RIN2: variants seen among roughly 807,000 people sequenced by gnomAD.
RIN2 encodes the protein Ras and Rab interactor 2.
Under a neutral mutation model 78.0 loss-of-function variants are expected in RIN2, and 36 were observed. The observed-to-expected ratio is 0.46, with a 90% confidence interval of 0.35 to 0.61. RIN2 has a LOEUF of 0.61. Ranked by LOEUF, RIN2 falls within the 20% of genes least tolerant of loss-of-function variation. The probability of loss-of-function intolerance (pLI) is 0.00; values close to 1 mark genes in which losing one functional copy is unlikely to be tolerated. For missense variants in RIN2, 1,087 were observed against 1,159.7 expected (o/e 0.94, Z 0.91); for synonymous variants, 466 against 466.8 (o/e 1.00, Z 0.02).
intron 3 of RIN2, among the ~76,000 whole-genome samples, chr20:19,928,671 C>T (rs2040324904): frequency 1.3e-5 from 2 of 152,164 alleles, no homozygotes; most frequent in Non-Finnish European, 2.9e-5. Flanking sequence ...GCCAGGATGC[C>T]AGCTCTTATG....
At chr20:19,851,089 G>A (rs980222947) in intron 2 of RIN2, among the ~76,000 whole-genome samples, 2 of 151,858 alleles carry the variant, frequency 1.3e-5, no homozygotes, top group African/African-American at 4.8e-5. Context: ...AGGAAGGTAG[G>A]AAGGAAGGAA....
intron 4 of RIN2, among the ~76,000 whole-genome samples, chr20:19,954,814 G>C (rs2041469907): frequency 1.3e-5 from 2 of 152,038 alleles, no homozygotes; most frequent in Admixed American, 1.3e-4. Flanking sequence ...TAGTTCTGCT[G>C]TTTCAAGGCT....
In RIN2 at chr20:20,000,783, G is replaced by T. The variant is rs1285047022; in HGVS notation, c.2535G>T (p.Gln845His). The T allele has an allele frequency of 6.2e-7, 1 of 1,614,016 alleles. No individual in the cohort carries two copies. The highest frequency in any genetic ancestry group is 8.5e-7 in the Non-Finnish European group (1 of 1,179,896). Reference protein sequence around the residue: ...SLFLFVDETWQQLAEDTYPQK... With the variant: ...SLFLFVDETWHQLAEDTYPQK... ...TTCTCTTCGTTGACGAGACATGGCAGCAGCTGGCAGAGGACACTTACCCTC... is the reference window on the plus strand; with the variant it reads ...TTCTCTTCGTTGACGAGACATGGCATCAGCTGGCAGAGGACACTTACCCTC... Residue 845 changes from glutamine (Q) to histidine (H), a missense_variant, in exon 13 of 13, where the codon CAG (glutamine) becomes CAT (histidine). This residue lies in a region of RIN2 where 160 missense variants were observed against 179.4 expected (regional missense o/e 0.89). Coordinates refer to ENST00000255006, the MANE Select transcript of RIN2 (RefSeq NM_018993.4).
chr20:19,826,597 A>C (rs77581447), intron 2 of RIN2, among the ~76,000 whole-genome samples: 1,994 of 152,322 alleles, frequency 0.013, 35 homozygotes, highest in African/African-American at 0.045. Context: ...AAGGCAGTAC[A>C]TGAATGACTG....
At chr20:19,797,035 T>A (rs990872440) in intron 1 of RIN2, among the ~76,000 whole-genome samples, 19 of 152,134 alleles carry the variant, frequency 1.2e-4, no homozygotes, top group African/African-American at 4.1e-4. Context: ...AGTGGGAGAA[T>A]TCAAAGAAAG....
chr20:19,844,759 A>T, intron 2 of RIN2, among the ~76,000 whole-genome samples: 1 of 142,556 alleles, frequency 7.0e-6, no homozygotes, highest in South Asian at 2.2e-4. Flanking sequence ...TTATACTTTA[A>T]GTTCTGGGAT....
chr20:19,962,140 A>C (rs1466859608), intron 6 of RIN2, among the ~76,000 whole-genome samples: 2 of 88,166 alleles, frequency 2.3e-5, no homozygotes, highest in Non-Finnish European at 4.8e-5. Flanking sequence ...ATCTCCACCA[A>C]AAAAAAAAAA....
chr20:19,982,676 GC>G (rs1420763537), intron 9 of RIN2, among the ~76,000 whole-genome samples: 7 of 152,278 alleles, frequency 4.6e-5, no homozygotes, highest in African/African-American at 1.7e-4. Context: ...ATTGTGCTGT[GC>G]CCACTGACAC....
chr20:19,844,669 C>CTTCTTCTTCTTCTTCCTCTT (rs1232176696), intron 2 of RIN2, among the ~76,000 whole-genome samples: 1 of 76,166 alleles, frequency 1.3e-5, no homozygotes, highest in African/African-American at 6.2e-5. Flanking sequence ...TCTTCTTCTT[C>CTTCTTCTTCTTCTTCCTCTT]CTTCTTCTTC....
At chr20:19,820,615 C>T (rs1045522034) in intron 2 of RIN2, among the ~76,000 whole-genome samples, 2 of 152,088 alleles carry the variant, frequency 1.3e-5, no homozygotes, top group Non-Finnish European at 2.9e-5. Context: ...CTGAGCCAGC[C>T]CAGCCTCAGG....
At chr20:19,836,606 T>C (rs1487648043) in intron 2 of RIN2, among the ~76,000 whole-genome samples, 1 of 152,212 alleles carries the variant, frequency 6.6e-6, no homozygotes, top group Non-Finnish European at 1.5e-5. Flanking sequence ...GCTCTCTCTC[T>C]CTCTCTCTCC....
chr20:19,854,161 G>A (rs527991186), intron 2 of RIN2, among the ~76,000 whole-genome samples: 13 of 151,986 alleles, frequency 8.6e-5, no homozygotes, highest in African/African-American at 2.9e-4. Flanking sequence ...TCTTGTTTTT[G>A]TCAGGTTTGT....
rs2040590229 is a variant in RIN2, at chr20:19,935,200, G to A, written c.158+1G>A. On this transcript the variant is annotated splice_donor_variant, in intron 4 of 12. Coordinates refer to ENST00000255006, the MANE Select transcript of RIN2 (RefSeq NM_018993.4). LOFTEE classifies it high-confidence loss of function. ...GCCTGGAACCCGCTGAAACCCACAG[G>A]TGACCAGAGACACGGTTAGGTGATG... 1.9e-6 allele frequency: 3 copies of A among 1,593,768 alleles called. No individual in the cohort carries two copies. Among genetic ancestry groups the A allele is most frequent in the East Asian group, 2.3e-5 (1 of 43,844 alleles).
At chr20:19,858,042 C>T (rs2037218307) in intron 2 of RIN2, among the ~76,000 whole-genome samples, 1 of 152,092 alleles carries the variant, frequency 6.6e-6, no homozygotes, top group Admixed American at 6.6e-5. Flanking sequence ...TATTCATTCA[C>T]TTTTTAATGA....
chr20:19,765,703 A>T (rs191407080), intron 1 of RIN2, among the ~76,000 whole-genome samples: 93 of 151,136 alleles, frequency 6.2e-4, no homozygotes, highest in African/African-American at 2.1e-3. Context: ...TAATTTAGGG[A>T]TCCCACAAAG....
chr20:19,789,782 A>G (rs1181202076), intron 1 of RIN2, among the ~76,000 whole-genome samples: 1 of 152,100 alleles, frequency 6.6e-6, no homozygotes, highest in African/African-American at 2.4e-5. Context: ...AATATTTTTG[A>G]TGAGGAGAAA....
chr20:19,993,220 T>G (rs2042848895), intron 11 of RIN2, among the ~76,000 whole-genome samples: 1 of 152,086 alleles, frequency 6.6e-6, no homozygotes, highest in Non-Finnish European at 1.5e-5. Context: ...TAATCCATTT[T>G]TATATATCCA....
At chr20:19,911,739 G>A (rs1015836086) in intron 3 of RIN2, among the ~76,000 whole-genome samples, 13 of 64,652 alleles carry the variant, frequency 2.0e-4, no homozygotes, top group Admixed American at 1.1e-3. Context: ...ATTTCATTCC[G>A]TGAATTTTTG....
chr20:19,846,204 T>C (rs1347665981), intron 2 of RIN2, among the ~76,000 whole-genome samples: 1 of 152,202 alleles, frequency 6.6e-6, no homozygotes, highest in African/African-American at 2.4e-5. Flanking sequence ...TTGTCTTGGC[T>C]ATACGGGCTC....
Sources: allele counts gnomAD v4.1 joint callset (sites outside exome capture counted in the v4.1 genomes callset), GRCh38; gene constraint gnomAD v4.1.1; regional missense constraint gnomAD v4.1.1; transcripts MANE v1.5; gene names NCBI Gene and HGNC (gene_info 2026-07-23, HGNC 2026-07-21).